The following PCDH15 variants were observed in gnomAD, a reference collection of about 807,000 sequenced individuals.
PCDH15 encodes protocadherin related 15.
PCDH15 carries 129 observed loss-of-function variants against 178.5 expected under a neutral mutation model. The observed-to-expected ratio is 0.72, with a 90% confidence interval of 0.63 to 0.84. PCDH15 has a LOEUF of 0.84. Among genes scored for constraint, PCDH15 ranks in the 40% least tolerant of loss-of-function variants. The pLI, the probability that PCDH15 is intolerant of heterozygous loss-of-function variation, is 0.00. For missense variants in PCDH15, 2,230 were observed against 2,099.9 expected, an observed-to-expected ratio of 1.06 and a Z score of -1.21; for synonymous variants, 800 against 732.0, an observed-to-expected ratio of 1.09 and a Z score of -1.50.
chr10:55,442,858 T>C (rs941041584), intron 2 of PCDH15, among the ~76,000 whole-genome samples: 2 of 152,032 alleles, frequency 1.3e-5, no homozygotes, highest in African/African-American at 4.8e-5. Context: ...AAAGCAAGTT[T>C]AGTGATAATT....
At chr10:54,396,334 A>G (rs1951219520) in intron 3 of PCDH15, among the ~76,000 whole-genome samples, 1 of 152,140 alleles carries the variant, frequency 6.6e-6, no homozygotes, top group Non-Finnish European at 1.5e-5. Flanking sequence ...TATAAGCTGA[A>G]ATTCAAACTC....
intron 2 of PCDH15, among the ~76,000 whole-genome samples, chr10:55,404,011 G>A (rs1838136338): frequency 1.3e-5 from 2 of 152,132 alleles, no homozygotes; most frequent in South Asian, 4.2e-4. Flanking sequence ...GAAAGTTAAA[G>A]TTGCTGGATG....
At chr10:53,961,728 C>T (rs1247334818) in intron 22 of PCDH15, 24 bp downstream of exon 22, 3 of 1,578,420 alleles carry the variant, frequency 1.9e-6, no homozygotes, top group Non-Finnish European at 2.6e-6. Context: ...TCAAATAGAC[C>T]ACATAATGAA....
intron 1 of PCDH15, among the ~76,000 whole-genome samples, chr10:54,716,203 T>A (rs554127295): frequency 6.6e-6 from 1 of 152,114 alleles, no homozygotes; most frequent in African/African-American, 2.4e-5. Flanking sequence ...AGGAAGGTGA[T>A]ACCACTGTGC....
intron 18 of PCDH15, among the ~76,000 whole-genome samples, chr10:54,064,983 C>T (rs1219602552): frequency 6.6e-6 from 1 of 152,154 alleles, no homozygotes; most frequent in Non-Finnish European, 1.5e-5. Flanking sequence ...GAGCATTTAG[C>T]CCAGGTCATA....
chr10:54,824,488 G>T (rs1953095081), intron 3 of PCDH15, among the ~76,000 whole-genome samples: 1 of 152,140 alleles, frequency 6.6e-6, no homozygotes, highest in Non-Finnish European at 1.5e-5. Flanking sequence ...GCATGAGTAG[G>T]CAGGAGGCGC....
At chr10:54,508,306 G>T (rs1031574188) in intron 3 of PCDH15, among the ~76,000 whole-genome samples, 3 of 151,962 alleles carry the variant, frequency 2.0e-5, no homozygotes, top group Non-Finnish European at 4.4e-5. Context: ...TTGCAGCATG[G>T]TTAAGGGCAA....
chr10:55,267,129 T>C (rs189726322), intron 1 of PCDH15, among the ~76,000 whole-genome samples: 2 of 151,326 alleles, frequency 1.3e-5, no homozygotes, highest in African/African-American at 4.9e-5. Flanking sequence ...AGGGGGAGGG[T>C]AGGAGAAGGA....
chr10:54,458,844 T>C (rs1329187617), intron 3 of PCDH15, among the ~76,000 whole-genome samples: 2 of 152,172 alleles, frequency 1.3e-5, no homozygotes, highest in African/African-American at 4.8e-5. Context: ...GCAAGTTACT[T>C]ACTTAAACTT....
At chr10:54,190,477 C>T (rs1201391936) in intron 11 of PCDH15, among the ~76,000 whole-genome samples, 2 of 152,202 alleles carry the variant, frequency 1.3e-5, no homozygotes, top group African/African-American at 4.8e-5. Flanking sequence ...AATCATGGCT[C>T]ACTGCAGCCT....
intron 1 of PCDH15, among the ~76,000 whole-genome samples, chr10:54,744,261 G>T (rs1311467838): frequency 6.6e-6 from 1 of 152,060 alleles, no homozygotes; most frequent in African/African-American, 2.4e-5. Context: ...GATAACTATA[G>T]CCCAATTGAC....
At chr10:55,373,844 C>T (rs7921550) in intron 2 of PCDH15, among the ~76,000 whole-genome samples, 52,522 of 150,998 alleles carry the variant, frequency 0.35, 9,466 homozygotes, top group Non-Finnish European at 0.4. Context: ...AACAGACTAA[C>T]GCAGGAACAG....
chr10:53,827,225 A>T (rs866042424), intron 32 of PCDH15, among the ~76,000 whole-genome samples, 168 bp downstream of exon 32: 23 of 152,182 alleles, frequency 1.5e-4, no homozygotes, highest in Middle Eastern at 3.4e-3. Flanking sequence ...ATTATTTTTC[A>T]ACTTAACCTT....
At chr10:55,341,047 A>AT (rs1300270463) in intron 2 of PCDH15, among the ~76,000 whole-genome samples, 1 of 151,658 alleles carries the variant, frequency 6.6e-6, no homozygotes, top group Non-Finnish European at 1.5e-5. Flanking sequence ...TTCACCTTCA[A>AT]TTTTTTAAAT....
At chr10:54,239,428 T>G (rs144349332) in intron 8 of PCDH15, among the ~76,000 whole-genome samples, 5,457 of 139,574 alleles carry the variant, frequency 0.039, 170 homozygotes, top group African/African-American at 0.11. Context: ...TATATATATA[T>G]ATATAGAGTA....
chr10:54,661,211 A>G lies in PCDH15; in HGVS notation c.91+2961T>C, dbSNP rs557132239. Among the ~76,000 whole-genome samples the G allele has an allele frequency of 2.6e-5, 4 of 152,244 alleles. No homozygotes were observed. The East Asian group carries it at 7.7e-4, about 29-fold the overall frequency. ...CTTCAGTAAGATTTCAGGATACAAA[A>G]TAAATGCTTGAAAATCAGTTTCATT... is the stretch of plus-strand genomic sequence containing the variant. On this transcript the variant is annotated intron_variant, in intron 2 of 37. Transcript: ENST00000644397.
intron 11 of PCDH15, among the ~76,000 whole-genome samples, chr10:54,194,888 CTG>C (rs1181453118): frequency 1.3e-5 from 2 of 152,152 alleles, no homozygotes; most frequent in African/African-American, 4.8e-5. Context: ...ACTCTCTTTT[CTG>C]TGTGTATCTC....
At chr10:54,535,534 C>A (rs974475890) in intron 2 of PCDH15, among the ~76,000 whole-genome samples, 4 of 151,648 alleles carry the variant, frequency 2.6e-5, no homozygotes, top group Non-Finnish European at 4.4e-5. Context: ...CATGGTGAAA[C>A]CCCATCTCTA....
rs148528016 is a variant in PCDH15 at position 54,366,185 on chromosome 10, C to A, written c.474+2935G>T. On this transcript the variant is annotated intron_variant, in intron 5 of 37. Transcript: ENST00000644397. Reference sequence around the variant, plus strand: ...TTCTCATGGTGAATAAAAAGAGTGACTAATCAGGACTTTAATTTTGGAAGC... The same window carrying A: ...TTCTCATGGTGAATAAAAAGAGTGAATAATCAGGACTTTAATTTTGGAAGC... Among the ~76,000 whole-genome samples, 648 of 152,108 alleles carry A rather than the reference C, an allele frequency of 4.3e-3. 5 individuals are homozygous for A. The highest frequency in any genetic ancestry group is 0.014 in the African/African-American group (586 of 41,536).
Sources: gnomAD v4.1 joint callset for allele counts (sites outside exome capture counted in the v4.1 genomes callset) on GRCh38, gnomAD v4.1.1 for gene constraint, MANE v1.5 for transcripts, NCBI Gene and HGNC (gene_info 2026-07-23, HGNC 2026-07-21) for gene names.